CD58: variants seen among roughly 807,000 people sequenced by gnomAD.
CD58 encodes lymphocyte function-associated antigen 3.
CD58 carries 14 observed loss-of-function variants against 27.6 expected under a neutral mutation model. That is an observed-to-expected ratio of 0.51 (90% CI 0.34 to 0.79). The LOEUF (loss-of-function observed/expected upper bound fraction) is 0.79. Ranked by LOEUF, CD58 falls within the 30% of genes least tolerant of loss-of-function variation. The pLI is 0.02. For missense variants in CD58, 268 were observed against 301.7 expected (o/e 0.89, Z 0.83); for synonymous variants, 117 against 103.8 (o/e 1.13, Z -0.77).
chr1:116,566,017 A>G (rs1658921311), intron 1 of CD58, among the ~76,000 whole-genome samples: 2 of 152,222 alleles, frequency 1.3e-5, no homozygotes, highest in Non-Finnish European at 1.5e-5. Flanking sequence ...GCACCCGGCC[A>G]GAATCCAAGT....
At chr1:116,555,952 G>A (rs1658544871) in intron 1 of CD58, among the ~76,000 whole-genome samples, 2 of 151,962 alleles carry the variant, frequency 1.3e-5, no homozygotes, top group African/African-American at 4.8e-5. Context: ...CTGTTGCAAG[G>A]GCTCTATAAA....
rs1156717940 is a variant in CD58, at chr1:116,546,961, G to A, written c.71-2357C>T. Among the ~76,000 whole-genome samples, 2 of 151,784 alleles carry A rather than the reference G, an allele frequency of 1.3e-5. No individual in the cohort carries two copies. The highest frequency in any genetic ancestry group is 6.6e-5 in the Admixed American group (1 of 15,252). ...ACCTTTGATGATCCACTTTCACTTAGTAAGTATATTTTCTTCCTTATGCTT... is the reference window on the plus strand; with the variant it reads ...ACCTTTGATGATCCACTTTCACTTAATAAGTATATTTTCTTCCTTATGCTT... On this transcript the variant is annotated intron_variant, in intron 1 of 5. Coordinates refer to ENST00000369489, the MANE Select transcript of CD58 (RefSeq NM_001779.3). The surrounding 1 kb of genome is among the most constrained non-coding windows in gnomAD (Gnocchi z 4.1).
At chr1:116,525,211 C>A (rs1220900540) in intron 3 of CD58, among the ~76,000 whole-genome samples, 1 of 152,194 alleles carries the variant, frequency 6.6e-6, no homozygotes, top group South Asian at 2.1e-4. Flanking sequence ...CTATTCATAT[C>A]CCCTGCCAAC....
rs1211095774 is a variant in CD58 at position 116,524,585 on chromosome 1, G to A, written c.629-2602C>T. Reference sequence around the variant, plus strand: ...CTTTAAATAAATCCAGGGCTACAATGTTTACTTAACCTAATCAATTTACAG... The same window carrying A: ...CTTTAAATAAATCCAGGGCTACAATATTTACTTAACCTAATCAATTTACAG... On this transcript the variant is annotated intron_variant, in intron 3 of 5. Transcript: ENST00000369489. This position sits in a 1 kb window ranked among gnomAD's most constrained non-coding sequence, Gnocchi z 4.6. Among the ~76,000 whole-genome samples, 1 of 152,134 alleles carries A rather than the reference G, an allele frequency of 6.6e-6. No individual in the cohort carries two copies. The highest frequency in any genetic ancestry group is 6.5e-5 in the Admixed American group (1 of 15,280).
At position 116,532,012 on chromosome 1, in the gene CD58, A is replaced by G. The variant is rs1426820456; in HGVS notation, c.628+3953T>C. On this transcript the variant is annotated intron_variant, in intron 3 of 5. Transcript: ENST00000369489. This position sits in a 1 kb window ranked among gnomAD's most constrained non-coding sequence, Gnocchi z 5.1. ...GGGCCCAGCAATGGGACTACTGAGA[A>G]AGCAGGACTTGACGCTCATATGCTC... Among the ~76,000 whole-genome samples the G allele has an allele frequency of 2.0e-5, 3 of 152,248 alleles. No individual in the cohort carries two copies. Among genetic ancestry groups the G allele is most frequent in the African/African-American group, 7.2e-5 (3 of 41,468 alleles).
rs955345401 is a variant in CD58 at position 116,534,167 on chromosome 1, C to T, written c.628+1798G>A. 4 of 637,134 alleles carry T rather than the reference C, an allele frequency of 6.3e-6. No individual in the cohort carries two copies. The highest frequency in any genetic ancestry group is 4.3e-5 in the Admixed American group (2 of 46,950). The allele number at this position is 637,134 out of a possible 1,614,324, so 39.5% of individuals were successfully genotyped here. ...AGGCTAAGGCACTCAGGCCAGTCCT[C>T]GGGGAGCACACGCCGCCCATCTGGC... On this transcript the variant is annotated intron_variant, in intron 3 of 5. Transcript: ENST00000369489. This position sits in a 1 kb window ranked among gnomAD's most constrained non-coding sequence, Gnocchi z 5.3.
chr1:116,553,599 G>A (rs1055640635), intron 1 of CD58, among the ~76,000 whole-genome samples: 2 of 152,212 alleles, frequency 1.3e-5, no homozygotes, highest in Admixed American at 6.5e-5. Context: ...ACAGCAGGAA[G>A]ACTAAGACTG....
chr1:116,518,964 G>T, intron 5 of CD58: 3 of 996,328 alleles, frequency 3.0e-6, no homozygotes, highest in Non-Finnish European at 4.1e-6. Context: ...AATCTCATAT[G>T]CGCTGTCTCT....
chr1:116,567,373 T>C (rs1001033238), intron 1 of CD58, among the ~76,000 whole-genome samples: 8 of 151,848 alleles, frequency 5.3e-5, no homozygotes, highest in African/African-American at 1.9e-4. Context: ...TGGTGGTTCA[T>C]GCCTGTAATC....
intron 1 of CD58, among the ~76,000 whole-genome samples, chr1:116,558,565 C>G (rs968710199): frequency 6.6e-6 from 1 of 152,144 alleles, no homozygotes; most frequent in Non-Finnish European, 1.5e-5. Flanking sequence ...ATAACCTGTC[C>G]TATTAAGGCC....
At chr1:116,533,604 G>A in intron 3 of CD58, 1 of 706,128 alleles carries the variant, frequency 1.4e-6, no homozygotes, top group Admixed American at 1.8e-5. Context: ...TGGTAAACCA[G>A]AACTCTGGAA....
At chr1:116,548,510 A>G (rs1258522876) in intron 1 of CD58, among the ~76,000 whole-genome samples, 1 of 152,196 alleles carries the variant, frequency 6.6e-6, no homozygotes, top group African/African-American at 2.4e-5. Context: ...TCATTCTTCT[A>G]CACCTTATGC....
In CD58 at chr1:116,517,584, T is replaced by C. The variant is rs544097006; in HGVS notation, c.743+1647A>G. ...GGTCTTAACCCCTCGCCTACCTCCT[T>C]GTCTCTGCAGCTTTAACATGTAGCC... On this transcript the variant is annotated intron_variant, in intron 5 of 5. Transcript: ENST00000369489. This position sits in a 1 kb window ranked among gnomAD's most constrained non-coding sequence, Gnocchi z 6.5. Among the ~76,000 whole-genome samples, 4 of 152,262 alleles carry C rather than the reference T, an allele frequency of 2.6e-5. No homozygotes were observed. The highest frequency in any genetic ancestry group is 9.6e-5 in the African/African-American group (4 of 41,560).
intron 1 of CD58, among the ~76,000 whole-genome samples, chr1:116,561,144 G>C (rs1386151474): frequency 6.6e-6 from 1 of 152,212 alleles, no homozygotes; most frequent in Non-Finnish European, 1.5e-5. Context: ...CTAAAGAAAT[G>C]TTAGAGTGAC....
At chr1:116,558,273 C>T (rs1252806862) in intron 1 of CD58, among the ~76,000 whole-genome samples, 2 of 152,024 alleles carry the variant, frequency 1.3e-5, no homozygotes, top group Non-Finnish European at 2.9e-5. Flanking sequence ...TCATTTAAAG[C>T]CTCGTGCAAG....
chr1:116,535,296 C>G (rs1348581560), intron 3 of CD58, among the ~76,000 whole-genome samples: 1 of 152,146 alleles, frequency 6.6e-6, no homozygotes, highest in Admixed American at 6.5e-5. Context: ...ACCATGGGCT[C>G]TAGAGCCAGA....
chr1:116,544,641 A>G, intron 1 of CD58, 37 bp from the exon 2 acceptor site: 1 of 1,446,580 alleles, frequency 6.9e-7, no homozygotes, highest in Non-Finnish European at 9.4e-7. Flanking sequence ...AAAAAACAAC[A>G]TGACTTTGGT....
At chr1:116,539,274 G>T (rs905811237) in intron 2 of CD58, among the ~76,000 whole-genome samples, 1 of 152,310 alleles carries the variant, frequency 6.6e-6, no homozygotes, top group East Asian at 1.9e-4. Context: ...GAGTCACTGA[G>T]TAGGAGTTGG....
At position 116,515,869 on chromosome 1, in the gene CD58, A is replaced by T. The variant is rs1298014698; in HGVS notation, c.744-1047T>A. 6.6e-6 allele frequency among the ~76,000 whole-genome samples: 1 copy of T among 152,146 alleles called. No individual in the cohort carries two copies. The highest frequency in any genetic ancestry group is 6.5e-5 in the Admixed American group (1 of 15,268). ...AAGTGTGGCGTGGCCATTTCCCGTC[A>T]GATGTCTGCTATCTACTCATCTGTC... is the stretch of plus-strand genomic sequence containing the variant. On this transcript the variant is annotated intron_variant, in intron 5 of 5. Transcript: ENST00000369489. This position sits in a 1 kb window ranked among gnomAD's most constrained non-coding sequence, Gnocchi z 4.6.
Sources: gnomAD v4.1 joint callset for allele counts (sites outside exome capture counted in the v4.1 genomes callset) on GRCh38, gnomAD v4.1.1 for gene constraint, Gnocchi (gnomAD v3.1) non-coding constraint, MANE v1.5 for transcripts, NCBI Gene and HGNC (gene_info 2026-07-23, HGNC 2026-07-21) for gene names.